The following JAKMIP2 variants were observed in gnomAD, a reference collection of about 807,000 sequenced individuals.
JAKMIP2 encodes the protein janus kinase and microtubule-interacting protein 2.
Under a neutral mutation model 115.0 loss-of-function variants are expected in JAKMIP2, and 25 were observed. The ratio of observed to expected loss-of-function variants is 0.22; its 90% CI spans 0.16 to 0.30. JAKMIP2 has a LOEUF of 0.30. Ranked by LOEUF, JAKMIP2 falls within the 10% of genes least tolerant of loss-of-function variation. The pLI is 1.00. For missense variants in JAKMIP2, 642 were observed against 957.6 expected, an observed-to-expected ratio of 0.67 and a Z score of 4.35; for synonymous variants, 334 against 343.6, an observed-to-expected ratio of 0.97 and a Z score of 0.31.
At chr5:147,682,645 C>A (rs536239075) in intron 1 of JAKMIP2, among the ~76,000 whole-genome samples, 1 of 152,286 alleles carries the variant, frequency 6.6e-6, no homozygotes, top group African/African-American at 2.4e-5. Flanking sequence ...TGATCCAGAT[C>A]CAAGGAAAAC....
At chr5:147,646,882 C>T (rs1347138) in intron 5 of JAKMIP2, among the ~76,000 whole-genome samples, 41,276 of 150,818 alleles carry the variant, frequency 0.27, 7,783 homozygotes, top group East Asian at 0.58. Context: ...ATTATAAATA[C>T]ATATTATTGT....
intron 1 of JAKMIP2, among the ~76,000 whole-genome samples, chr5:147,752,675 T>C (rs1393169663): frequency 6.6e-6 from 1 of 152,124 alleles, no homozygotes; most frequent in Non-Finnish European, 1.5e-5. Flanking sequence ...GTGGTGATGA[T>C]GGCTTGGCCC....
intron 20 of JAKMIP2, among the ~76,000 whole-genome samples, chr5:147,608,043 G>A (rs1756121202): frequency 6.6e-6 from 1 of 151,918 alleles, no homozygotes; most frequent in African/African-American, 2.4e-5. Flanking sequence ...TTTTTATTGT[G>A]TCTATTTGAT....
At chr5:147,618,186 G>T in intron 18 of JAKMIP2, 72 bp from the exon 19 acceptor site, 1 of 1,080,650 alleles carries the variant, frequency 9.3e-7, no homozygotes, top group Non-Finnish European at 1.4e-6. Flanking sequence ...TGTATGCTAT[G>T]TATGTATATG....
intron 17 of JAKMIP2, among the ~76,000 whole-genome samples, chr5:147,622,743 G>A (rs1756911841): frequency 6.6e-6 from 1 of 152,104 alleles, no homozygotes; most frequent in African/African-American, 2.4e-5. Flanking sequence ...TCCAGACTCT[G>A]GTTTCAATTC....
At chr5:147,678,250 C>A (rs190935932) in intron 1 of JAKMIP2, among the ~76,000 whole-genome samples, 1 of 152,196 alleles carries the variant, frequency 6.6e-6, no homozygotes, top group Admixed American at 6.5e-5. Flanking sequence ...GAACTGCCCA[C>A]CTCAGCCTCC....
At chr5:147,772,062 A>G (rs1344203839) in intron 1 of JAKMIP2, among the ~76,000 whole-genome samples, 1 of 152,140 alleles carries the variant, frequency 6.6e-6, no homozygotes, top group Non-Finnish European at 1.5e-5. Context: ...CCTAAGATAT[A>G]CATATTAATA....
rs1184474314 is a variant in JAKMIP2 at position 147,755,652 on chromosome 5, A to AT, written c.-149+26803dup. Among the ~76,000 whole-genome samples, 3 of 151,916 alleles carry AT rather than the reference A, an allele frequency of 2.0e-5. No homozygotes were observed. In the East Asian group the frequency reaches 5.8e-4, roughly 29 times the overall value. ...CAAGGCAGATTAACTTTTATTTTTA[A>AT]TTTTTTTTAGAGATAGGATCTCGTT... On this transcript the variant is annotated intron_variant, in intron 1 of 21. Transcript: ENST00000616793.
At position 147,716,902 on chromosome 5, in the gene JAKMIP2, A is replaced by G. The variant is rs1349738156; in HGVS notation, c.-148-44948T>C. Among the ~76,000 whole-genome samples, 3 of 144,578 alleles carry G rather than the reference A, an allele frequency of 2.1e-5. No individual in the cohort carries two copies. In the Admixed American group the frequency reaches 2.1e-4, roughly 10 times the overall value. The allele number at this position is 144,578 out of a possible 152,430, so 94.8% of individuals were successfully genotyped here. ...TTGTTGCCATTGCTTTTGGTGTTTT[A>G]GACATGAAGTCCTTGCCCATGCCTA... On this transcript the variant is annotated intron_variant, in intron 1 of 21. Coordinates refer to ENST00000616793, the MANE Select transcript of JAKMIP2 (RefSeq NM_001270941.2).
At chr5:147,730,809 C>T (rs1580847732) in intron 1 of JAKMIP2, among the ~76,000 whole-genome samples, 1 of 152,098 alleles carries the variant, frequency 6.6e-6, no homozygotes, top group Admixed American at 6.6e-5. Flanking sequence ...CAGAATTTCC[C>T]TTACCGCTGA....
At chr5:147,731,865 A>AAC (rs1159242045) in intron 1 of JAKMIP2, among the ~76,000 whole-genome samples, 18 of 152,220 alleles carry the variant, frequency 1.2e-4, no homozygotes, top group Non-Finnish European at 2.4e-4. Flanking sequence ...AACCCGACGC[A>AAC]ACACATTTAT....
chr5:147,609,518 C>T (rs1739745117), intron 20 of JAKMIP2, among the ~76,000 whole-genome samples: 3 of 152,180 alleles, frequency 2.0e-5, no homozygotes, highest in South Asian at 4.1e-4. Context: ...TCTCTTCTGG[C>T]TTGTAGGGTT....
chr5:147,619,938 A>G (rs1756769437), intron 18 of JAKMIP2, among the ~76,000 whole-genome samples: 1 of 152,228 alleles, frequency 6.6e-6, no homozygotes, highest in African/African-American at 2.4e-5. Context: ...AGATAAATGA[A>G]TTAAAAATAT....
At chr5:147,731,284 G>A (rs374940467) in intron 1 of JAKMIP2, among the ~76,000 whole-genome samples, 3 of 152,180 alleles carry the variant, frequency 2.0e-5, no homozygotes, top group East Asian at 1.9e-4. Flanking sequence ...GGGGGGTTGC[G>A]AGGTAATTTA....
At chr5:147,689,860 G>A (rs1580786000) in intron 1 of JAKMIP2, among the ~76,000 whole-genome samples, 2 of 152,308 alleles carry the variant, frequency 1.3e-5, no homozygotes, top group Middle Eastern at 6.8e-3. Context: ...AGATAGAGCT[G>A]AGGATAGAAT....
At chr5:147,623,073 A>G (rs1033994866) in intron 17 of JAKMIP2, among the ~76,000 whole-genome samples, 2 of 152,030 alleles carry the variant, frequency 1.3e-5, no homozygotes, top group African/African-American at 4.8e-5. Context: ...GGCACGTACC[A>G]CTATGCCCAC....
At chr5:147,697,369 C>G (rs1405439229) in intron 1 of JAKMIP2, among the ~76,000 whole-genome samples, 3 of 152,146 alleles carry the variant, frequency 2.0e-5, no homozygotes, top group Non-Finnish European at 4.4e-5. Flanking sequence ...CCCATGGGTC[C>G]CTCCCACAAC....
In JAKMIP2 at chr5:147,671,765, T is replaced by A; in HGVS notation, c.42A>T (p.Ala14=). 1 of 1,591,806 alleles carries A rather than the reference T, an allele frequency of 6.3e-7. No homozygotes were observed. Among genetic ancestry groups the A allele is most frequent in the African/African-American group, 1.3e-5 (1 of 74,134 alleles). ...TGGCAGCTTGAAGGGCAACAATGAG[T>A]GCCTCGGGCTTCTCGCCCTTATTTC... ...KGRNKGEKPE[A]LIVALQAANE... Residue 14 remains alanine, a synonymous_variant, in exon 2 of 22, where the codon GCA becomes GCT. Coordinates refer to ENST00000616793, the MANE Select transcript of JAKMIP2 (RefSeq NM_001270941.2).
chr5:147,764,270 G>T (rs906383861), intron 1 of JAKMIP2, among the ~76,000 whole-genome samples: 6 of 151,996 alleles, frequency 3.9e-5, no homozygotes, highest in African/African-American at 1.4e-4. Flanking sequence ...GTGGAATCTC[G>T]ATGTTCCAAT....
Sources: gnomAD v4.1 joint callset for allele counts (sites outside exome capture counted in the v4.1 genomes callset) on GRCh38, gnomAD v4.1.1 for gene constraint, MANE v1.5 for transcripts, NCBI Gene and HGNC (gene_info 2026-07-23, HGNC 2026-07-21) for gene names.